The following GRM8 variants were observed in gnomAD, a reference collection of about 807,000 sequenced individuals.
GRM8 encodes the protein metabotropic glutamate receptor 8.
A neutral mutation model predicts 87.2 loss-of-function variants in GRM8; 47 were observed. The ratio of observed to expected loss-of-function variants is 0.54; its 90% CI spans 0.43 to 0.69. The LOEUF is 0.69. GRM8 is among the 30% of genes least tolerant of loss of function. The pLI is 0.00. For missense variants in GRM8, 1,019 were observed against 1,139.2 expected (o/e 0.89, Z 1.52); for synonymous variants, 396 against 404.5 (o/e 0.98, Z 0.25).
intron 6 of GRM8, among the ~76,000 whole-genome samples, chr7:126,825,588 AGGAATG>A (rs963218529): frequency 7.2e-5 from 11 of 152,220 alleles, no homozygotes. Flanking sequence ...GCTATGCTTT[AGGAATG>A]GTACTTAATA....
At chr7:127,025,587 G>A (rs986627218) in intron 3 of GRM8, among the ~76,000 whole-genome samples, 1 of 151,988 alleles carries the variant, frequency 6.6e-6, no homozygotes, top group Non-Finnish European at 1.5e-5. Context: ...TATGTGCCAG[G>A]CCCTGTGCTA....
chr7:127,041,989 TG>T (rs1818469132), intron 3 of GRM8, among the ~76,000 whole-genome samples: 1 of 152,182 alleles, frequency 6.6e-6, no homozygotes, highest in South Asian at 2.1e-4. Flanking sequence ...TGTTTCTTTC[TG>T]GTGAGAGGAG....
chr7:126,624,491 C>T (rs1800474001), intron 7 of GRM8, among the ~76,000 whole-genome samples: 1 of 152,150 alleles, frequency 6.6e-6, no homozygotes, highest in Non-Finnish European at 1.5e-5. Context: ...CTATTACACA[C>T]ATTATTGCCT....
At chr7:126,656,590 C>G (rs892007911) in intron 7 of GRM8, among the ~76,000 whole-genome samples, 3 of 152,100 alleles carry the variant, frequency 2.0e-5, no homozygotes, top group Non-Finnish European at 4.4e-5. Context: ...ATCGCTTGAA[C>G]CTGGGAGGCG....
intron 7 of GRM8, among the ~76,000 whole-genome samples, chr7:126,756,635 A>C (rs1817035341): frequency 6.6e-6 from 1 of 152,138 alleles, no homozygotes; most frequent in Non-Finnish European, 1.5e-5. Flanking sequence ...AACGTATATC[A>C]GTAACTGAAA....
At chr7:127,175,690 TA>T (rs1381454741) in intron 2 of GRM8, among the ~76,000 whole-genome samples, 1 of 152,164 alleles carries the variant, frequency 6.6e-6, no homozygotes, top group African/African-American at 2.4e-5. Context: ...ATGAAATATT[TA>T]AAGTGTTGAA....
chr7:126,574,735 T>C (rs989977649), intron 8 of GRM8, among the ~76,000 whole-genome samples: 3 of 152,194 alleles, frequency 2.0e-5, no homozygotes, highest in Admixed American at 6.5e-5. Context: ...AATTAGACAC[T>C]CACAGAATAC....
chr7:126,969,408 T>C (rs896723808), intron 3 of GRM8, among the ~76,000 whole-genome samples: 2 of 152,348 alleles, frequency 1.3e-5, no homozygotes, highest in East Asian at 3.9e-4. Context: ...TGTAATATTC[T>C]AAATCCTTTG....
chr7:126,637,470 TA>T (rs977012736), intron 7 of GRM8, among the ~76,000 whole-genome samples: 2 of 151,738 alleles, frequency 1.3e-5, no homozygotes, highest in South Asian at 2.1e-4. Context: ...TACTGTAATT[TA>T]AAAAAAAGAA....
intron 2 of GRM8, among the ~76,000 whole-genome samples, chr7:127,116,401 A>T (rs766281717): frequency 1.3e-5 from 2 of 152,180 alleles, no homozygotes; most frequent in Non-Finnish European, 2.9e-5. Context: ...CTCCCACTAC[A>T]TGCCAGACAC....
intron 8 of GRM8, among the ~76,000 whole-genome samples, chr7:126,545,396 G>C (rs80159310): frequency 9.9e-5 from 15 of 152,118 alleles, no homozygotes; most frequent in African/African-American, 3.6e-4. Flanking sequence ...ATATCACAGA[G>C]TGACCATTTT....
chr7:126,873,347 C>T (rs997228465), intron 6 of GRM8, among the ~76,000 whole-genome samples: 3 of 152,032 alleles, frequency 2.0e-5, no homozygotes, highest in African/African-American at 7.2e-5. Flanking sequence ...TTGAGAGAAG[C>T]GAAACTTATT....
chr7:126,662,715 C>A (rs1805331715), intron 7 of GRM8, among the ~76,000 whole-genome samples: 1 of 151,908 alleles, frequency 6.6e-6, no homozygotes, highest in Non-Finnish European at 1.5e-5. Flanking sequence ...GTATAGACAG[C>A]AAGAAAAATA....
intron 9 of GRM8, among the ~76,000 whole-genome samples, chr7:126,484,624 C>T (rs1207309591): frequency 6.6e-6 from 1 of 151,998 alleles, no homozygotes; most frequent in Admixed American, 6.6e-5. Context: ...TTACTCCAAG[C>T]AAGAAATTAA....
Position 127,106,598 on chromosome 7 carries a change from T to C in GRM8, c.625A>G (p.Ile209Val), listed in dbSNP as rs777179701. 3.1e-6 allele frequency: 5 copies of C among 1,614,142 alleles called. No individual in the cohort carries two copies. Among genetic ancestry groups the C allele is most frequent in the Non-Finnish European group, 4.2e-6 (5 of 1,179,992 alleles). ...TAATTCCATCCCAGTGCTGTCACGATGTCCACCATGGCTTGGGCTTGGTAG... is the reference window on the plus strand; with the variant it reads ...TAATTCCATCCCAGTGCTGTCACGACGTCCACCATGGCTTGGGCTTGGTAG... ...DSYQAQAMVD[I>V]VTALGWNYVS... The change falls in exon 3 of 11, where the codon ATC (isoleucine) becomes GTC (valine). Residue 209 changes from isoleucine (I) to valine (V), a missense_variant. By Grantham distance (29) the Ile-to-Val change is conservative. Coordinates refer to ENST00000339582, the MANE Select transcript of GRM8 (RefSeq NM_000845.3).
intron 3 of GRM8, among the ~76,000 whole-genome samples, chr7:127,102,569 C>T (rs899073116): frequency 2.0e-5 from 3 of 152,212 alleles, no homozygotes; most frequent in Non-Finnish European, 4.4e-5. Context: ...CCAGATATTG[C>T]TCATGCCACT....
chr7:126,733,932 C>A (rs186969428), intron 7 of GRM8, among the ~76,000 whole-genome samples: 12 of 152,048 alleles, frequency 7.9e-5, no homozygotes, highest in Admixed American at 7.9e-4. Flanking sequence ...ATAAAAATAA[C>A]TGATAATCTG....
At position 126,872,638 on chromosome 7, in the gene GRM8, T is replaced by G. The variant is rs142476128; in HGVS notation, c.1156+29904A>C. 2.9e-3 allele frequency among the ~76,000 whole-genome samples: 442 copies of G among 152,256 alleles called. 3 individuals are homozygous for G. Among genetic ancestry groups the G allele is most frequent in the African/African-American group, 0.01 (424 of 41,554 alleles). ...TGAAACTGTGCATTATTCTTTTCAGTAGATAATACATTTAAGGTCAGAACT... is the reference window on the plus strand; with the variant it reads ...TGAAACTGTGCATTATTCTTTTCAGGAGATAATACATTTAAGGTCAGAACT... On this transcript the variant is annotated intron_variant, in intron 6 of 10. Transcript: ENST00000339582.
In GRM8 at chr7:126,533,662, T is replaced by C; in HGVS notation, c.1720A>G (p.Ile574Val). The C allele has an allele frequency of 6.2e-7, 1 of 1,614,068 alleles. No individual in the cohort carries two copies. Among genetic ancestry groups the C allele is most frequent in the Non-Finnish European group, 8.5e-7 (1 of 1,179,990 alleles). ...MNRTGCQLIP[I>V]IKLEWHSPWA... is the part of the protein sequence containing the mutation. ...GGAGAATGCCACTCCAATTTGATGA[T>C]GGGGATAAGCTGGCAGCCTGTGCGG... Residue 574 changes from isoleucine to valine, a missense_variant, in exon 9 of 11, where the codon ATC becomes GTC. Transcript: ENST00000339582.
Sources: gnomAD v4.1 joint callset for allele counts (sites outside exome capture counted in the v4.1 genomes callset) on GRCh38, gnomAD v4.1.1 for gene constraint, MANE v1.5 for transcripts, NCBI Gene and HGNC (gene_info 2026-07-23, HGNC 2026-07-21) for gene names.